NADSYN1: variants seen among roughly 807,000 people sequenced by gnomAD.
The protein encoded by NADSYN1 is NAD synthetase 1, also known as glutamine-dependent NAD(+) synthetase.
NADSYN1 carries 80 observed loss-of-function variants against 99.3 expected under a neutral mutation model. The observed-to-expected ratio is 0.81, with a 90% confidence interval of 0.67 to 0.97. NADSYN1 has a LOEUF of 0.97. Ranked by LOEUF, NADSYN1 falls within the 50% of genes least tolerant of loss-of-function variation. The pLI is 0.00. For synonymous variants in NADSYN1, 385 were observed against 372.1 expected (o/e 1.03, Z -0.40); for missense variants, 859 against 948.5 (o/e 0.91, Z 1.24).
chr11:71,489,803 T>G (rs929492902), intron 16 of NADSYN1, among the ~76,000 whole-genome samples: 2 of 152,088 alleles, frequency 1.3e-5, no homozygotes, highest in African/African-American at 4.8e-5. Context: ...TGTCAAGAAA[T>G]GCATCTGGTG....
chr11:71,469,537 T>C (rs1949613683), intron 5 of NADSYN1, among the ~76,000 whole-genome samples: 1 of 152,234 alleles, frequency 6.6e-6, no homozygotes, highest in Admixed American at 6.5e-5. Context: ...TGATAAGCAT[T>C]GTTTCTTTAG....
rs766711243 is a variant in NADSYN1 at position 71,473,283 on chromosome 11, C to T, written c.465C>T (p.Thr155=). ...RMIQDLTKQE[T]VPFGDAVLVT... is the part of the protein sequence containing the mutation. ...CTCTTCTCTTCCGACTGCAGGAAAC[C>T]GTACCCTTCGGAGATGCGGTGCTGG... Residue 155 remains threonine, a synonymous_variant, in exon 7 of 21, where the codon ACC becomes ACT. Transcript: ENST00000319023. The T allele has an allele frequency of 1.9e-5, 31 of 1,614,024 alleles. No homozygotes were observed. The highest frequency in any genetic ancestry group is 8.3e-5 in the Admixed American group (5 of 60,012).
chr11:71,491,071 C>A, intron 17 of NADSYN1, 95 bp downstream of exon 17: 1 of 1,510,154 alleles, frequency 6.6e-7, no homozygotes, highest in Non-Finnish European at 9.0e-7. Context: ...TCCTTCGTAG[C>A]TCCTGTTGCC....
At chr11:71,464,982 A>G (rs1949578368) in intron 5 of NADSYN1, among the ~76,000 whole-genome samples, 1 of 151,930 alleles carries the variant, frequency 6.6e-6, no homozygotes, top group Non-Finnish European at 1.5e-5. Flanking sequence ...TGTCACAGAT[A>G]TCGACTAGCT....
intron 14 of NADSYN1, 59 bp from the exon 15 acceptor site, chr11:71,484,253 C>CGCACACACAT (rs1389125217): frequency 6.3e-7 from 1 of 1,584,664 alleles, no homozygotes; most frequent in Non-Finnish European, 8.6e-7. Context: ...ACCGCTCATG[C>CGCACACACAT]GCACACACAT....
At chr11:71,473,781 C>A (rs569813247) in intron 8 of NADSYN1, 95 bp downstream of exon 8, 1 of 890,616 alleles carries the variant, frequency 1.1e-6, no homozygotes, top group Non-Finnish European at 1.8e-6. Flanking sequence ...TGGGCCCACA[C>A]ACAATGGATG....
intron 9 of NADSYN1, chr11:71,477,442 T>C (rs186087819): frequency 1.6e-6 from 2 of 1,289,700 alleles, no homozygotes; most frequent in East Asian, 1.1e-4. Context: ...CGGCCAGGTA[T>C]GGCCCCCTGT....
chr11:71,473,842 T>C (rs1949646118), intron 8 of NADSYN1, among the ~76,000 whole-genome samples, 156 bp downstream of exon 8: 1 of 152,184 alleles, frequency 6.6e-6, no homozygotes, highest in Non-Finnish European at 1.5e-5. Context: ...CCTGCTGCCC[T>C]CCAGGGCTTC....
chr11:71,457,918 C>A (rs573645093), intron 2 of NADSYN1, among the ~76,000 whole-genome samples: 1 of 152,306 alleles, frequency 6.6e-6, no homozygotes, highest in South Asian at 2.1e-4. Context: ...AATAAGGTCA[C>A]CTTCGCAGGT....
At chr11:71,495,241 A>G (rs545686940) in intron 18 of NADSYN1, among the ~76,000 whole-genome samples, 2 of 152,248 alleles carry the variant, frequency 1.3e-5, no homozygotes, top group African/African-American at 4.8e-5. Flanking sequence ...TCATTTATCA[A>G]AGTATTTTCT....
chr11:71,453,423 C>G, intron 1 of NADSYN1, 42 bp downstream of exon 1: 1 of 1,563,248 alleles, frequency 6.4e-7, no homozygotes, highest in Non-Finnish European at 8.8e-7. Flanking sequence ...GGGTGGCGCA[C>G]GGGCACCGTG....
intron 14 of NADSYN1, 47 bp from the exon 15 acceptor site, chr11:71,484,265 C>T (rs1231038729): frequency 1.3e-6 from 2 of 1,598,028 alleles, no homozygotes. Context: ...CACACACATG[C>T]ACACACGTGC....
chr11:71,464,120 T>C lies in NADSYN1; in HGVS notation c.385T>C (p.Phe129Leu), dbSNP rs1949571110. Residue 129 changes from phenylalanine to leucine, a missense_variant, in exon 5 of 21, where the codon TTC becomes CTC. Coordinates refer to ENST00000319023, the MANE Select transcript of NADSYN1 (RefSeq NM_018161.5). ...AGGCAACTACCGCGAGCTGCGCTGG[T>C]TCACCCCGTGGTCGAGGAGTCGGTG... is the stretch of plus-strand genomic sequence containing the variant. ...NEGNYRELRW[F>L]TPWSRSRHTE... 6.2e-7 allele frequency: 1 copy of C among 1,611,426 alleles called. No homozygotes were observed. The highest frequency in any genetic ancestry group is 1.7e-5 in the Admixed American group (1 of 59,774).
rs942162890 is a variant in NADSYN1 at position 71,495,939 on chromosome 11, G to A, written c.1765-1544G>A. Reference sequence around the variant, plus strand: ...GTTGTATGAGCCTCGGGGTAAAATCGGCTCCTCTGAGCCTGGCTTGAAGCA... The same window carrying A: ...GTTGTATGAGCCTCGGGGTAAAATCAGCTCCTCTGAGCCTGGCTTGAAGCA... On this transcript the variant is annotated intron_variant, in intron 18 of 20. Coordinates refer to ENST00000319023, the MANE Select transcript of NADSYN1 (RefSeq NM_018161.5). Among the ~76,000 whole-genome samples the A allele has an allele frequency of 2.7e-4, 41 of 152,162 alleles. 1 individual carries two copies. Among genetic ancestry groups the A allele is most frequent in the East Asian group, 1.9e-4 (1 of 5,196 alleles).
At chr11:71,453,694 C>T (rs1215763011) in intron 1 of NADSYN1, among the ~76,000 whole-genome samples, 1 of 152,228 alleles carries the variant, frequency 6.6e-6, no homozygotes, top group Admixed American at 6.5e-5. Flanking sequence ...TGGGACTGAG[C>T]TGCCCATTCT....
intron 9 of NADSYN1, chr11:71,476,162 G>T (rs1327752793): frequency 2.2e-6 from 1 of 454,844 alleles, no homozygotes; most frequent in African/African-American, 2.0e-5. Context: ...CTCGGGCTCA[G>T]ACCACACGCG....
rs747385577 is a variant in NADSYN1, at chr11:71,498,444, C to T, written c.1986C>T (p.Tyr662=). Residue 662 remains tyrosine (Y), a synonymous_variant, in exon 20 of 21, where the codon TAC becomes TAT. Coordinates refer to ENST00000319023, the MANE Select transcript of NADSYN1 (RefSeq NM_018161.5). The stretch of plus-strand genomic sequence containing the variant: ...CACCCGCGTACCACGCCGAGAACTA[C>T]AGCCCTGAGGACAACAGGTTTGATC... The part of the protein sequence containing the change: ...TLTPAYHAEN[Y]SPEDNRFDLR... 1.9e-6 allele frequency: 3 copies of T among 1,614,220 alleles called. No individual in the cohort carries two copies. Among genetic ancestry groups the T allele is most frequent in the South Asian group, 2.2e-5 (2 of 91,086 alleles).
intron 5 of NADSYN1, among the ~76,000 whole-genome samples, chr11:71,471,912 C>T (rs983969400): frequency 1.3e-5 from 2 of 152,054 alleles, no homozygotes; most frequent in African/African-American, 2.4e-5. Context: ...AAGTCAAATG[C>T]GTGAACTGTC....
intron 5 of NADSYN1, among the ~76,000 whole-genome samples, chr11:71,468,179 A>T (rs562291279): frequency 6.6e-6 from 1 of 152,364 alleles, no homozygotes; most frequent in South Asian, 2.1e-4. Context: ...GTTTTTTATC[A>T]TTAAAAGACT....
Sources: gnomAD v4.1 joint callset for allele counts (sites outside exome capture counted in the v4.1 genomes callset) on GRCh38, gnomAD v4.1.1 for gene constraint, MANE v1.5 for transcripts, NCBI Gene and HGNC (gene_info 2026-07-23, HGNC 2026-07-21) for gene names.